Variants in HSPA13 observed in about 807,000 individuals in gnomAD.
HSPA13 encodes the protein heat shock protein family A (Hsp70) member 13.
Under a neutral mutation model 38.8 loss-of-function variants are expected in HSPA13, and 29 were observed. The observed-to-expected ratio is 0.75, with a 90% CI of 0.56 to 1.02. The LOEUF is 1.02. HSPA13 is among the 50% of genes least tolerant of loss of function. HSPA13 has a pLI of 0.00. For synonymous variants in HSPA13, 192 were observed against 205.3 expected (o/e 0.94, Z 0.56); for missense variants, 451 against 560.9 (o/e 0.80, Z 1.98).
At chr21:14,374,907 G>A (rs959001557) in intron 4 of HSPA13, among the ~76,000 whole-genome samples, 1 of 151,610 alleles carries the variant, frequency 6.6e-6, no homozygotes, top group South Asian at 2.1e-4. Flanking sequence ...CTGAAAACTA[G>A]ATAAATAATT....
Position 14,381,412 on chromosome 21 carries a change from C to A in HSPA13, c.157G>T (p.Gly53Ter). ...CSVGVFFPGT[G>*]KVKVIPDENG... ...TCATCTGGAATCACCTTTACTTTTC[C>A]TGTGCCAGGAAAAAACACCCCAACA... Residue 53 changes from glycine (G) to a stop codon, truncating the protein, a stop_gained, in exon 2 of 5, where the codon GGA becomes TGA. Coordinates refer to ENST00000285667, the MANE Select transcript of HSPA13 (RefSeq NM_006948.5). LOFTEE classifies it high-confidence loss of function. The A allele has an allele frequency of 6.2e-7, 1 of 1,614,098 alleles. No individual in the cohort carries two copies. Among genetic ancestry groups the A allele is most frequent in the Non-Finnish European group, 8.5e-7 (1 of 1,180,018 alleles).
At position 14,373,477 on chromosome 21, in the gene HSPA13, G is replaced by T; in HGVS notation, c.*140C>A. On this transcript the variant is annotated 3_prime_UTR_variant, in exon 5 of 5. Coordinates refer to ENST00000285667, the MANE Select transcript of HSPA13 (RefSeq NM_006948.5). ...GTCTAATCCTAAGACAAAACACTAT[G>T]TAAAATTTTCCTGTATCTAAATGTT... 1.4e-6 allele frequency: 1 copy of T among 699,864 alleles called. No homozygotes were observed. Among genetic ancestry groups the T allele is most frequent in the Non-Finnish European group, 2.3e-6 (1 of 429,572 alleles). 43.4% of individuals were successfully genotyped at this position (699,864 alleles called of 1,614,324 possible).
At chr21:14,382,753 G>A (rs990520792) in intron 1 of HSPA13, among the ~76,000 whole-genome samples, 5 of 152,106 alleles carry the variant, frequency 3.3e-5, no homozygotes, top group African/African-American at 1.2e-4. Flanking sequence ...GGGTCCTGGA[G>A]GTGCACGTTC....
chr21:14,382,968 C>T, intron 1 of HSPA13, 127 bp downstream of exon 1: 1 of 1,165,896 alleles, frequency 8.6e-7, no homozygotes, highest in Non-Finnish European at 1.3e-6. Context: ...GTCTCTAAGT[C>T]ACCTTTCTGA....
Position 14,371,870 on chromosome 21 carries a change from T to C in HSPA13, c.*1747A>G, listed in dbSNP as rs1320061562. The C allele has an allele frequency of 1.3e-5, 2 of 152,520 alleles. No homozygotes were observed. The highest frequency in any genetic ancestry group is 1.9e-4 in the East Asian group (1 of 5,202). The allele number at this position is 152,520 out of a possible 1,614,324, so 9.4% of individuals were successfully genotyped here. ...AATTCTAAAATCTATTACAGATTTA[T>C]ATAAAGTCCAAGAGAACATGTGAAA... On this transcript the variant is annotated 3_prime_UTR_variant, in exon 5 of 5. Coordinates refer to ENST00000285667, the MANE Select transcript of HSPA13 (RefSeq NM_006948.5).
At position 14,374,300 on chromosome 21, in the gene HSPA13, A is replaced by T; in HGVS notation, c.749-16T>A. 6.3e-7 allele frequency: 1 copy of T among 1,588,376 alleles called. No individual in the cohort carries two copies. The highest frequency in any genetic ancestry group is 8.6e-7 in the Non-Finnish European group (1 of 1,167,924). On this transcript the variant is annotated splice_polypyrimidine_tract_variant and intron_variant, in intron 4 of 4. Coordinates refer to ENST00000285667, the MANE Select transcript of HSPA13 (RefSeq NM_006948.5). Reference sequence around the variant, plus strand: ...TTATTGTTTCCTGAGTGAAAAATAAAAGTTTAATATAGTTATGCATATATG... The same window carrying T: ...TTATTGTTTCCTGAGTGAAAAATAATAGTTTAATATAGTTATGCATATATG...
At chr21:14,378,115 TG>T in intron 3 of HSPA13, 83 bp downstream of exon 3, 1 of 975,898 alleles carries the variant, frequency 1.0e-6, no homozygotes, top group Admixed American at 1.9e-5. Context: ...TTGTGTGGTT[TG>T]GGAAGTGGTA....
At chr21:14,377,193 C>T (rs990957411) in intron 3 of HSPA13, among the ~76,000 whole-genome samples, 2 of 152,162 alleles carry the variant, frequency 1.3e-5, no homozygotes, top group Non-Finnish European at 2.9e-5. Flanking sequence ...TTAAATTTAC[C>T]TTTTATGCTC....
rs371802964 is a variant in HSPA13, at chr21:14,375,775, T to C, written c.625A>G (p.Met209Val). The change falls in exon 4 of 5, where the codon ATG (methionine) becomes GTG (valine). Residue 209 changes from methionine (M) to valine (V), a missense_variant. Physicochemically the swap from Met to Val is conservative, Grantham distance 21 (BLOSUM62 1). Coordinates refer to ENST00000285667, the MANE Select transcript of HSPA13 (RefSeq NM_006948.5). ...RVINEPTAAA[M>V]AYGLHKADVF... ...TCAGCCTTGTGGAGACCATAGGCCA[T>C]AGCTGCTGCTGTGGGTTCATTTATT... 5.6e-6 allele frequency: 9 copies of C among 1,613,884 alleles called. No homozygotes were observed. Among genetic ancestry groups the C allele is most frequent in the African/African-American group, 2.7e-5 (2 of 74,936 alleles).
In HSPA13 at chr21:14,373,491, T is replaced by C. The variant is rs763816483; in HGVS notation, c.*126A>G. ...CAAAACACTATGTAAAATTTTCCTG[T>C]ATCTAAATGTTGCCCTCTAGGTAAA... is the stretch of plus-strand genomic sequence containing the variant. On this transcript the variant is annotated 3_prime_UTR_variant, in exon 5 of 5. Transcript: ENST00000285667. 27 of 773,594 alleles carry C rather than the reference T, an allele frequency of 3.5e-5. No individual in the cohort carries two copies. The highest frequency in any genetic ancestry group is 5.0e-5 in the Non-Finnish European group (25 of 495,932). 47.9% of individuals were successfully genotyped at this position (773,594 alleles called of 1,614,324 possible).
Position 14,373,734 on chromosome 21 carries a change from G to C in HSPA13, c.1299C>G (p.Asp433Glu), listed in dbSNP as rs747533203. 1.2e-6 allele frequency: 2 copies of C among 1,614,200 alleles called. No individual in the cohort carries two copies. The highest frequency in any genetic ancestry group is 1.7e-6 in the Non-Finnish European group (2 of 1,180,028). Reference sequence around the variant, plus strand: ...TAGCCACTCCCGTTACTACTGCTAGGTCAGGGTCTACAGATGTGTTGGGAT... The same window carrying C: ...TAGCCACTCCCGTTACTACTGCTAGCTCAGGGTCTACAGATGTGTTGGGAT... ...GKDPNTSVDP[D>E]LAVVTGVAIQ... The change falls in exon 5 of 5, where the codon GAC (aspartate) becomes GAG (glutamate). Residue 433 changes from aspartate (D) to glutamate (E), a missense_variant. Physicochemically the swap from Asp to Glu is conservative, Grantham distance 45. Coordinates refer to ENST00000285667, the MANE Select transcript of HSPA13 (RefSeq NM_006948.5).
chr21:14,375,490 A>ATTT (rs1983995604), intron 4 of HSPA13, among the ~76,000 whole-genome samples, 162 bp downstream of exon 4: 1 of 111,578 alleles, frequency 9.0e-6, no homozygotes, highest in Non-Finnish European at 2.0e-5. Context: ...ATTTTTCTGT[A>ATTT]ATTTTTTTTT....
Position 14,381,336 on chromosome 21 carries a change from A to G in HSPA13, c.233T>C (p.Val78Ala). 6.2e-7 allele frequency: 1 copy of G among 1,614,164 alleles called. No homozygotes were observed. The highest frequency in any genetic ancestry group is 8.5e-7 in the Non-Finnish European group (1 of 1,180,012). ...PSMVSFTDND[V>A]YVGYESVELA... is the part of the protein sequence containing the mutation. ...CTCTACGCTTTCATATCCCACATAT[A>G]CATCATTGTCAGTAAAAGACACCAT... The change falls in exon 2 of 5, where the codon GTA (valine) becomes GCA (alanine). Residue 78 changes from valine (V) to alanine (A), a missense_variant. Transcript: ENST00000285667.
rs1308712918 is a variant in HSPA13, at chr21:14,373,863, T to C, written c.1170A>G (p.Lys390=). Residue 390 remains lysine (K), a synonymous_variant, in exon 5 of 5, where the codon AAA becomes AAG. Transcript: ENST00000285667. Reference sequence around the variant, plus strand: ...TCTCAGTCTTTTCCAGGTGGCCTTCTTTCAATACTTGCTGAATGGGTACCA... The same window carrying C: ...TCTCAGTCTTTTCCAGGTGGCCTTCCTTCAATACTTGCTGAATGGGTACCA... ...KILVPIQQVL[K]EGHLEKTEID... 1.2e-5 allele frequency: 20 copies of C among 1,614,094 alleles called. No homozygotes were observed. The highest frequency in any genetic ancestry group is 1.6e-5 in the Non-Finnish European group (19 of 1,180,018).
chr21:14,378,348 G>A lies in HSPA13; in HGVS notation c.431C>T (p.Pro144Leu). The A allele has an allele frequency of 1.2e-6, 2 of 1,614,014 alleles. No individual in the cohort carries two copies. The highest frequency in any genetic ancestry group is 1.7e-6 in the Non-Finnish European group (2 of 1,179,956). ...CAATAGTCGAGAGCCAACATATTCT[G>A]GGGACACTGTGATGGTCTCATTACT... ...VTSNETITVS[P>L]EYVGSRLLLK... Residue 144 changes from proline to leucine, a missense_variant, in exon 3 of 5, where the codon CCA becomes CTA. Physicochemically the swap from Pro to Leu is moderately conservative, Grantham distance 98. Coordinates refer to ENST00000285667, the MANE Select transcript of HSPA13 (RefSeq NM_006948.5).
In HSPA13 at chr21:14,373,447, G is replaced by T; in HGVS notation, c.*170C>A. 1.7e-6 allele frequency: 1 copy of T among 596,578 alleles called. No homozygotes were observed. The highest frequency in any genetic ancestry group is 2.9e-6 in the Non-Finnish European group (1 of 341,282). The allele number at this position is 596,578 out of a possible 1,614,324, so 37.0% of individuals were successfully genotyped here. A position where few individuals can be genotyped will look rare whatever the true frequency, so the allele number is the denominator to read the frequency against. On this transcript the variant is annotated 3_prime_UTR_variant, in exon 5 of 5. Transcript: ENST00000285667. ...TCCAAAATCAAACAGGATCAATCTG[G>T]TCACGTCTAATCCTAAGACAAAACA...
rs1323535453 is a variant in HSPA13 at position 14,372,303 on chromosome 21, A to G, written c.*1314T>C. The stretch of plus-strand genomic sequence containing the variant: ...CATTCCTCTATTAAGGAAAATATGT[A>G]TATATATATATAATCTGTATCCATA... On this transcript the variant is annotated 3_prime_UTR_variant, in exon 5 of 5. Transcript: ENST00000285667. The G allele has an allele frequency of 1.3e-5, 2 of 151,460 alleles. No homozygotes were observed. Among genetic ancestry groups the G allele is most frequent in the African/African-American group, 4.8e-5 (2 of 41,304 alleles). The allele number at this position is 151,460 out of a possible 1,614,324, so 9.4% of individuals were successfully genotyped here.
Position 14,371,628 on chromosome 21 carries a change from A to G in HSPA13, c.*1989T>C, listed in dbSNP as rs1399652459. 1 of 152,158 alleles carries G rather than the reference A, an allele frequency of 6.6e-6. No individual in the cohort carries two copies. Among genetic ancestry groups the G allele is most frequent in the East Asian group, 1.9e-4 (1 of 5,206 alleles). The allele number at this position is 152,158 out of a possible 1,614,324, so 9.4% of individuals were successfully genotyped here. ...CCAACACTGTCATTCTAATTTGCAA[A>G]TAGGAATTATTTAAATTCCAACTTC... On this transcript the variant is annotated 3_prime_UTR_variant, in exon 5 of 5. Transcript: ENST00000285667.
chr21:14,378,325 A>G lies in HSPA13; in HGVS notation c.454T>C (p.Leu152=), dbSNP rs193263576. 3.2e-4 allele frequency: 523 copies of G among 1,614,106 alleles called. 8 individuals are homozygous for G. In the East Asian group the frequency reaches 9.0e-3, roughly 28 times the overall value. The part of the protein sequence containing the change: ...VSPEYVGSRL[L]LKLKEMAEAY... ...TCTGCCATTTCCTTTAACTTCAACA[A>G]TAGTCGAGAGCCAACATATTCTGGG... Residue 152 remains leucine, a synonymous_variant, in exon 3 of 5, where the codon TTG becomes CTG. Transcript: ENST00000285667.
Sources: gnomAD v4.1 joint callset for allele counts (sites outside exome capture counted in the v4.1 genomes callset) on GRCh38, gnomAD v4.1.1 for gene constraint, MANE v1.5 for transcripts, NCBI Gene and HGNC (gene_info 2026-07-23, HGNC 2026-07-21) for gene names.